Variants in DMD observed in about 807,000 individuals in gnomAD.
The protein encoded by DMD is mutant dystrophin.
DMD carries 63 observed loss-of-function variants against 330.1 expected under a neutral mutation model. That is an observed-to-expected ratio of 0.19 (90% CI 0.16 to 0.24). DMD has a LOEUF of 0.24. DMD is among the 10% of genes least tolerant of loss of function. The pLI, the probability that DMD is intolerant of heterozygous loss-of-function variation, is 1.00. For synonymous variants in DMD, 1,223 were observed against 959.8 expected, an observed-to-expected ratio of 1.27 and a Z score of -5.07; for missense variants, 3,344 against 2,684.1, an observed-to-expected ratio of 1.25 and a Z score of -5.43.
At chrX:32,403,658 T>G (rs1256616666) in intron 30 of DMD, among the ~76,000 whole-genome samples, 1 of 111,814 alleles carries the variant, frequency 8.9e-6, no homozygotes, top group African/African-American at 3.2e-5. Context: ...TATTCTTAAA[T>G]GGAGAGTAAT....
rs768475491 is a variant in DMD at position 33,307,678 on chromosome X, G to A, written c.7+31581C>T. Among the ~76,000 whole-genome samples, 6 of 111,493 alleles carry A rather than the reference G, an allele frequency of 5.4e-5. No homozygotes were observed. In the South Asian group the frequency reaches 2.2e-3, roughly 42 times the overall value. On this transcript the variant is annotated intron_variant, in intron 1 of 17. Coordinates refer to the DMD transcript ENST00000288447. The stretch of plus-strand genomic sequence containing the variant: ...CACTCCGGCCTGGGTGACAGAGCGA[G>A]ACTCCATCTCAGAAAAAATATAAAT...
At chrX:33,245,170 T>G (rs183576210) in intron 1 of DMD, among the ~76,000 whole-genome samples, 18 of 111,360 alleles carry the variant, frequency 1.6e-4, no homozygotes, top group African/African-American at 5.9e-4. Flanking sequence ...ATATAGACAT[T>G]TTTGCTCCTT....
intron 51 of DMD, among the ~76,000 whole-genome samples, chrX:31,732,306 T>C (rs950783486): frequency 8.9e-6 from 1 of 111,936 alleles, no homozygotes; most frequent in Non-Finnish European, 1.9e-5. Context: ...TATCATACAC[T>C]AATAGGCTCT....
chrX:33,009,967 T>TATGTGTGTATACAC lies in DMD; in HGVS notation c.93+10158_93+10171dup, dbSNP rs1255312133. Among the ~76,000 whole-genome samples the TATGTGTGTATACAC allele has an allele frequency of 4.9e-5, 3 of 60,650 alleles. 1 individual carries two copies. Among genetic ancestry groups the TATGTGTGTATACAC allele is most frequent in the Non-Finnish European group, 9.4e-5 (3 of 32,029 alleles). 52.7% of individuals were successfully genotyped at this position (60,650 alleles called of 115,157 possible). A position where few individuals can be genotyped will look rare whatever the true frequency, so the allele number is the denominator to read the frequency against. ...ACACGTGTGTATGTGTATATACACA[T>TATGTGTGTATACAC]ATGTGTGTATACACATGTGTGTATA... On this transcript the variant is annotated intron_variant, in intron 2 of 78. Coordinates refer to ENST00000357033, the MANE Select transcript of DMD (RefSeq NM_004006.3).
intron 43 of DMD, among the ~76,000 whole-genome samples, chrX:32,230,890 A>G (rs924511319): frequency 2.7e-5 from 3 of 112,171 alleles, no homozygotes; most frequent in Non-Finnish European, 3.8e-5. Flanking sequence ...TATACAGTAT[A>G]TAATTTCTGT....
chrX:33,279,122 TCTC>T (rs1348960520), intron 1 of DMD, among the ~76,000 whole-genome samples: 1 of 111,912 alleles, frequency 8.9e-6, no homozygotes, highest in African/African-American at 3.3e-5. Flanking sequence ...TATACATTCT[TCTC>T]ATCTGCACAC....
chrX:31,462,837 TA>T (rs970869238), intron 59 of DMD, among the ~76,000 whole-genome samples: 1 of 111,467 alleles, frequency 9.0e-6, no homozygotes, highest in African/African-American at 3.3e-5. Context: ...CTGCAAAAGA[TA>T]AATTTGAAAT....
intron 52 of DMD, among the ~76,000 whole-genome samples, chrX:31,718,842 C>T (rs1185010569): frequency 5.4e-5 from 6 of 111,325 alleles, no homozygotes; most frequent in Admixed American, 2.9e-4. Context: ...AGGACTTTTC[C>T]ATGCGTCATT....
chrX:31,138,630 A>G (rs758424116), intron 76 of DMD, among the ~76,000 whole-genome samples: 51 of 1,098 alleles, frequency 0.046, no homozygotes, highest in African/African-American at 0.19. Flanking sequence ...AGCAGGAGAG[A>G]GAGAGAGAGA....
intron 5 of DMD, among the ~76,000 whole-genome samples, chrX:32,820,215 G>A (rs777974925): frequency 8.9e-5 from 10 of 112,073 alleles, no homozygotes; most frequent in East Asian, 5.7e-4. Context: ...CGAGACGGGC[G>A]GATCACAAGG....
intron 42 of DMD, among the ~76,000 whole-genome samples, chrX:32,288,791 A>AG (rs201285726): frequency 0.028 from 3,133 of 111,789 alleles, 112 homozygotes; most frequent in East Asian, 0.14. Context: ...CTGGAGAGAG[A>AG]AAAAAATTAT....
intron 9 of DMD, among the ~76,000 whole-genome samples, chrX:32,658,716 G>A (rs1316828395): frequency 1.8e-5 from 2 of 110,806 alleles, no homozygotes; most frequent in African/African-American, 6.6e-5. Flanking sequence ...AGCCATCTCT[G>A]AAATCTCACT....
intron 29 of DMD, among the ~76,000 whole-genome samples, chrX:32,414,105 A>G (rs1314330220): frequency 9.0e-6 from 1 of 111,531 alleles, no homozygotes; most frequent in Non-Finnish European, 1.9e-5. Context: ...CTAGCTATAC[A>G]GAAATTTTAT....
At chrX:31,139,763 C>T (rs2035809691) in intron 76 of DMD, among the ~76,000 whole-genome samples, 1 of 111,015 alleles carries the variant, frequency 9.0e-6, no homozygotes, top group Non-Finnish European at 1.9e-5. Flanking sequence ...GTGTACACTG[C>T]TCAGGTGATG....
chrX:32,756,192 G>T (rs1362740172), intron 7 of DMD: 1 of 111,956 alleles, frequency 8.9e-6, no homozygotes, highest in Non-Finnish European at 1.9e-5. Flanking sequence ...GGCTCAACAA[G>T]AAATTCAGTC....
intron 63 of DMD, among the ~76,000 whole-genome samples, chrX:31,257,405 T>C (rs1162209863): frequency 9.1e-6 from 1 of 110,087 alleles, no homozygotes; most frequent in African/African-American, 3.3e-5. Context: ...ACACCATTTC[T>C]GCTTTCAAGA....
intron 50 of DMD, among the ~76,000 whole-genome samples, chrX:31,817,467 T>C (rs1434793439): frequency 9.0e-6 from 1 of 111,681 alleles, no homozygotes; most frequent in Non-Finnish European, 1.9e-5. Flanking sequence ...TGACTACCTT[T>C]TGTTTTTTTT....
In DMD at chrX:31,857,968, TA is replaced by T. The variant is rs1208068988; in HGVS notation, c.7098+17219del. ...TTGCTCAAAGGAGGGTCAGGAAGAA[TA>T]GGGGGGAAAATGATGTGAATAGGAA... On this transcript the variant is annotated intron_variant, in intron 48 of 78. Transcript: ENST00000357033. Among the ~76,000 whole-genome samples, 3 of 110,034 alleles carry T rather than the reference TA, an allele frequency of 2.7e-5. 1 individual carries two copies. The East Asian group carries it at 8.6e-4, about 31-fold the overall frequency.
intron 74 of DMD, among the ~76,000 whole-genome samples, chrX:31,163,981 C>T (rs1313953341): frequency 1.8e-5 from 2 of 112,181 alleles, no homozygotes; most frequent in Admixed American, 9.4e-5. Flanking sequence ...AGATGGCAGC[C>T]TCCAGAGCTG....
Sources: gnomAD v4.1 joint callset for allele counts (sites outside exome capture counted in the v4.1 genomes callset) on GRCh38, gnomAD v4.1.1 for gene constraint, MANE v1.5 for transcripts, NCBI Gene and HGNC (gene_info 2026-07-23, HGNC 2026-07-21) for gene names.